CRPPA: variants seen among roughly 807,000 people sequenced by gnomAD.
CRPPA encodes CDP-L-ribitol pyrophosphorylase A.
Under a neutral mutation model 52.0 loss-of-function variants are expected in CRPPA, and 43 were observed. The ratio of observed to expected loss-of-function variants is 0.83; its 90% confidence interval spans 0.65 to 1.07. The LOEUF is 1.07. Ranked by LOEUF, CRPPA falls within the 50% of genes least tolerant of loss-of-function variation. The pLI is 0.00. For synonymous variants in CRPPA, 250 were observed against 203.5 expected (o/e 1.23, Z -1.94); for missense variants, 629 against 551.7 (o/e 1.14, Z -1.40).
chr7:16,286,084 A>AT (rs1241704782), intron 5 of CRPPA, among the ~76,000 whole-genome samples: 2 of 27,494 alleles, frequency 7.3e-5, no homozygotes, highest in Non-Finnish European at 1.5e-4. Context: ...TATATATAAT[A>AT]TTTAAAAAAA....
rs1175045494 is a variant in CRPPA, at chr7:16,217,143, G to A, written c.1120-946C>T. Among the ~76,000 whole-genome samples the A allele has an allele frequency of 6.8e-5, 10 of 146,888 alleles. No individual in the cohort carries two copies. The South Asian group carries it at 1.6e-3, about 23-fold the overall frequency. On this transcript the variant is annotated intron_variant, in intron 8 of 9. Transcript: ENST00000407010. The stretch of plus-strand genomic sequence containing the variant: ...AGTGGGTCCCTGACCCCTGACCCCC[G>A]AGCAGCCTAACTGGGAGGCACCCCC...
At chr7:16,249,496 T>C (rs992892389) in intron 8 of CRPPA, among the ~76,000 whole-genome samples, 15 of 152,070 alleles carry the variant, frequency 9.9e-5, no homozygotes, top group Non-Finnish European at 1.9e-4. Flanking sequence ...TGGCATCTGG[T>C]GGGTGCCCCT....
rs1482676492 is a variant in CRPPA at position 16,260,488 on chromosome 7, C to T, written c.934-1476G>A. Among the ~76,000 whole-genome samples, 6 of 151,952 alleles carry T rather than the reference C, an allele frequency of 3.9e-5. No homozygotes were observed. In the East Asian group the frequency reaches 1.2e-3, roughly 29 times the overall value. The stretch of plus-strand genomic sequence containing the variant: ...TGGAAATTGGAATTCAGAAAAAAAC[C>T]GAGTGCTACATTTTTGTTCTTGCTA... On this transcript the variant is annotated intron_variant, in intron 6 of 9. Transcript: ENST00000407010.
At chr7:16,268,127 A>G (rs1210116081) in intron 6 of CRPPA, among the ~76,000 whole-genome samples, 1 of 151,992 alleles carries the variant, frequency 6.6e-6, no homozygotes, top group Non-Finnish European at 1.5e-5. Flanking sequence ...GAAAATGACA[A>G]TCACTTAAAT....
At chr7:16,415,211 C>T (rs1788166054) in intron 1 of CRPPA, among the ~76,000 whole-genome samples, 1 of 152,186 alleles carries the variant, frequency 6.6e-6, no homozygotes, top group Non-Finnish European at 1.5e-5. Flanking sequence ...GGAAAATGGA[C>T]AAGCAATCTG....
chr7:16,205,124 T>C (rs922839361), intron 9 of CRPPA, among the ~76,000 whole-genome samples: 7 of 152,284 alleles, frequency 4.6e-5, no homozygotes, highest in Non-Finnish European at 7.4e-5. Context: ...AAACAGCTAT[T>C]CACCATTACT....
At chr7:16,235,184 G>C (rs992230641) in intron 8 of CRPPA, among the ~76,000 whole-genome samples, 3 of 152,086 alleles carry the variant, frequency 2.0e-5, no homozygotes, top group Non-Finnish European at 4.4e-5. Flanking sequence ...GGAAACAAAA[G>C]AGAGAAGTTG....
intron 3 of CRPPA, among the ~76,000 whole-genome samples, chr7:16,356,690 T>C (rs1011513328): frequency 6.6e-6 from 1 of 152,238 alleles, no homozygotes; most frequent in Non-Finnish European, 1.5e-5. Flanking sequence ...TTTCCACATC[T>C]GTCTTAAATT....
chr7:16,295,035 C>A lies in CRPPA; in HGVS notation c.835+6386G>T, dbSNP rs186809470. 3.3e-3 allele frequency among the ~76,000 whole-genome samples: 504 copies of A among 152,192 alleles called. 3 individuals carry two copies. The highest frequency in any genetic ancestry group is 3.4e-3 in the Middle Eastern group (1 of 294). On this transcript the variant is annotated intron_variant, in intron 5 of 9. Transcript: ENST00000407010. ...ACACTCCAACACAGTATTCCTAGTT[C>A]TCAGCAATTCTGAACCAAAGGTATT...
At chr7:16,340,608 AAAAAAAAG>A (rs1554334479) in intron 3 of CRPPA, among the ~76,000 whole-genome samples, 60 of 43,778 alleles carry the variant, frequency 1.4e-3, no homozygotes, top group East Asian at 0.011. Flanking sequence ...TGGAGCAAAA[AAAAAAAAG>A]AAAAAAAAAA....
chr7:16,365,732 G>A (rs975436415), intron 3 of CRPPA, among the ~76,000 whole-genome samples: 4 of 152,040 alleles, frequency 2.6e-5, no homozygotes, highest in African/African-American at 4.8e-5. Context: ...ACCATGATAC[G>A]GACAAGAACT....
rs1365533560 is a variant in CRPPA at position 16,090,702 on chromosome 7, G to T, written c.*993C>A. The stretch of plus-strand genomic sequence containing the variant: ...TGTGCCACTGCACTCCAGCCTGACA[G>T]AGGGCGACTGCATTTCAAAACAATA... On this transcript the variant is annotated 3_prime_UTR_variant, in exon 10 of 10. Coordinates refer to ENST00000407010, the MANE Select transcript of CRPPA (RefSeq NM_001101426.4). 5 of 152,122 alleles carry T rather than the reference G, an allele frequency of 3.3e-5. No homozygotes were observed. Among genetic ancestry groups the T allele is most frequent in the African/African-American group, 1.2e-4 (5 of 41,394 alleles). 9.4% of individuals were successfully genotyped at this position (152,122 alleles called of 1,614,324 possible). A position where few individuals can be genotyped will look rare whatever the true frequency, so the allele number is the denominator to read the frequency against.
At chr7:16,249,569 G>T (rs1267150790) in intron 8 of CRPPA, among the ~76,000 whole-genome samples, 3 of 152,180 alleles carry the variant, frequency 2.0e-5, no homozygotes, top group Non-Finnish European at 4.4e-5. Context: ...AGCCTCTGCT[G>T]ATCATAGCCA....
intron 9 of CRPPA, among the ~76,000 whole-genome samples, chr7:16,187,173 C>A (rs1781522410): frequency 1.3e-5 from 2 of 152,040 alleles, no homozygotes; most frequent in Admixed American, 1.3e-4. Context: ...CAAGTATTAC[C>A]CCCATGATAC....
intron 6 of CRPPA, among the ~76,000 whole-genome samples, chr7:16,275,984 A>C (rs144878201): frequency 1.3e-5 from 2 of 152,156 alleles, no homozygotes; most frequent in African/African-American, 2.4e-5. Context: ...AGCTAAAAGA[A>C]ATTAAGAAAA....
At chr7:16,183,074 G>A (rs959142712) in intron 9 of CRPPA, among the ~76,000 whole-genome samples, 2 of 152,202 alleles carry the variant, frequency 1.3e-5, no homozygotes, top group Admixed American at 6.5e-5. Context: ...AAGATCTGGG[G>A]TAACTAAAGA....
At chr7:16,316,303 G>A (rs1289175430) in intron 3 of CRPPA, among the ~76,000 whole-genome samples, 3 of 152,038 alleles carry the variant, frequency 2.0e-5, no homozygotes, top group African/African-American at 7.2e-5. Context: ...AGACAGAAGA[G>A]GACAGGGCTG....
intron 5 of CRPPA, among the ~76,000 whole-genome samples, chr7:16,278,725 T>C (rs962045024): frequency 1.3e-5 from 2 of 152,222 alleles, no homozygotes; most frequent in African/African-American, 2.4e-5. Context: ...TAAGTTCCTG[T>C]TTTGACTATT....
chr7:16,311,396 T>C (rs1290612225), intron 3 of CRPPA, among the ~76,000 whole-genome samples: 1 of 152,088 alleles, frequency 6.6e-6, no homozygotes, highest in Non-Finnish European at 1.5e-5. Flanking sequence ...CCTCCATAAT[T>C]TGTCTTTTCC....
Sources: allele counts gnomAD v4.1 joint callset (sites outside exome capture counted in the v4.1 genomes callset), GRCh38; gene constraint gnomAD v4.1.1; transcripts MANE v1.5; gene names NCBI Gene and HGNC (gene_info 2026-07-23, HGNC 2026-07-21).